The following GABBR2 variants were observed in gnomAD, a reference collection of about 807,000 sequenced individuals.
The protein encoded by GABBR2 is G-protein coupled receptor 51.
Under a neutral mutation model 105.6 loss-of-function variants are expected in GABBR2, and 23 were observed. The observed-to-expected ratio is 0.22, with a 90% CI of 0.16 to 0.31. GABBR2 has a LOEUF of 0.31. GABBR2 is among the 10% of genes least tolerant of loss of function. GABBR2 has a pLI of 1.00. For missense variants in GABBR2, 734 were observed against 1,245.5 expected, an observed-to-expected ratio of 0.59 and a Z score of 6.18; for synonymous variants, 478 against 499.7, an observed-to-expected ratio of 0.96 and a Z score of 0.58.
At chr9:98,315,622 T>C (rs1315972378) in intron 13 of GABBR2, among the ~76,000 whole-genome samples, 2 of 152,240 alleles carry the variant, frequency 1.3e-5, no homozygotes, top group African/African-American at 4.8e-5. Flanking sequence ...GAGATGCACC[T>C]GAGCATGCAA....
intron 13 of GABBR2, among the ~76,000 whole-genome samples, chr9:98,340,415 T>A (rs979772323): frequency 6.6e-6 from 1 of 151,496 alleles, no homozygotes; most frequent in Non-Finnish European, 1.5e-5. Context: ...ATTCTGTGTG[T>A]GTGTTTCTCT....
chr9:98,454,127 C>G lies in GABBR2; in HGVS notation c.1090G>C (p.Val364Leu), dbSNP rs1176092519. The G allele has an allele frequency of 6.2e-7, 1 of 1,614,002 alleles. No individual in the cohort carries two copies. The highest frequency in any genetic ancestry group is 1.7e-5 in the Admixed American group (1 of 60,004). ...FHGYAYDGIW[V>L]IAKTLQRAME... ...GCCCTCTGCAGTGTCTTGGCGATGA[C>G]CCAGATGCCATCGTAGGCGTACCCG... The change falls in exon 7 of 19, where the codon GTC (valine) becomes CTC (leucine). Residue 364 changes from valine to leucine, a missense_variant. By Grantham distance (32) the Val-to-Leu change is conservative (BLOSUM62 1). Transcript: ENST00000259455. This position sits in a 1 kb window ranked among gnomAD's most constrained non-coding sequence, Gnocchi z 4.6.
intron 7 of GABBR2, among the ~76,000 whole-genome samples, chr9:98,430,282 C>A (rs1392934965): frequency 9.2e-5 from 12 of 130,462 alleles, no homozygotes; most frequent in Non-Finnish European, 2.0e-4. Flanking sequence ...GAGCGAGACT[C>A]CGTCTCAAAA....
intron 1 of GABBR2, among the ~76,000 whole-genome samples, chr9:98,669,375 G>A (rs1362908987): frequency 6.6e-6 from 1 of 152,178 alleles, no homozygotes; most frequent in Admixed American, 6.5e-5. Context: ...AAATGTCTAT[G>A]TAAGTCCTTT....
At chr9:98,336,783 C>T (rs1035989889) in intron 13 of GABBR2, among the ~76,000 whole-genome samples, 1 of 151,470 alleles carries the variant, frequency 6.6e-6, no homozygotes, top group Non-Finnish European at 1.5e-5. Context: ...TTAAACACTC[C>T]AATTGAAATG....
intron 2 of GABBR2, among the ~76,000 whole-genome samples, chr9:98,560,069 C>T (rs781697911): frequency 7.3e-5 from 11 of 151,594 alleles, no homozygotes; most frequent in African/African-American, 1.2e-4. Context: ...TAACAATGGT[C>T]ACATTATATA....
At chr9:98,551,843 T>C (rs917857162) in intron 2 of GABBR2, among the ~76,000 whole-genome samples, 23 of 152,172 alleles carry the variant, frequency 1.5e-4, no homozygotes, top group Admixed American at 4.6e-4. Flanking sequence ...ATTTCCCCCC[T>C]TTTAGATGTC....
intron 3 of GABBR2, among the ~76,000 whole-genome samples, chr9:98,507,022 C>G (rs1402539549): frequency 1.3e-5 from 2 of 152,142 alleles, no homozygotes; most frequent in Non-Finnish European, 2.9e-5. Context: ...AGAAACGCAC[C>G]CTCGGCCCAA....
At chr9:98,522,213 T>G (rs185066498) in intron 3 of GABBR2, among the ~76,000 whole-genome samples, 39 of 152,082 alleles carry the variant, frequency 2.6e-4, no homozygotes, top group African/African-American at 8.9e-4. Context: ...GGAAAAGGAC[T>G]AAGATTAAAA....
Position 98,293,993 on chromosome 9 carries a change from A to G in GABBR2, c.2543-91T>C, listed in dbSNP as rs891254689. 4 of 802,726 alleles carry G rather than the reference A, an allele frequency of 5.0e-6. No homozygotes were observed. The African/African-American group carries it at 5.1e-5, about 10-fold the overall frequency. The allele number at this position is 802,726 out of a possible 1,614,324, so 49.7% of individuals were successfully genotyped here. ...ACTTTTTGTAGGATGATGCCCCAAG[A>G]GACAGAATGCAAAAGAGCCCATTAT... is the stretch of plus-strand genomic sequence containing the variant. On this transcript the variant is annotated intron_variant, in intron 17 of 18. Coordinates refer to ENST00000259455, the MANE Select transcript of GABBR2 (RefSeq NM_005458.8).
intron 11 of GABBR2, among the ~76,000 whole-genome samples, chr9:98,381,308 T>C (rs186709443): frequency 6.6e-6 from 1 of 152,308 alleles, no homozygotes; most frequent in East Asian, 1.9e-4. Flanking sequence ...GAATGCAGGC[T>C]GTTGTTGGAA....
At chr9:98,617,740 CA>C (rs767867398) in intron 1 of GABBR2, among the ~76,000 whole-genome samples, 16 of 151,710 alleles carry the variant, frequency 1.1e-4, no homozygotes, top group East Asian at 7.8e-4. Context: ...TGTTGGCACA[CA>C]AAAAAAAGCT....
At chr9:98,290,878 C>T in intron 18 of GABBR2, 129 bp from the exon 19 acceptor site, 1 of 512,086 alleles carries the variant, frequency 2.0e-6, no homozygotes, top group Non-Finnish European at 3.3e-6. Flanking sequence ...AAGATCTGTC[C>T]ATCCAATCAT....
intron 9 of GABBR2, among the ~76,000 whole-genome samples, chr9:98,393,919 A>G (rs1832240287): frequency 6.6e-6 from 1 of 152,236 alleles, no homozygotes; most frequent in Non-Finnish European, 1.5e-5. Flanking sequence ...CTACATTTAA[A>G]AAGAATTACT....
intron 1 of GABBR2, among the ~76,000 whole-genome samples, chr9:98,580,267 C>T (rs1828982941): frequency 6.6e-6 from 1 of 152,128 alleles, no homozygotes; most frequent in Non-Finnish European, 1.5e-5. Context: ...ATCAGGTCAC[C>T]CTCCCCAAAA....
intron 13 of GABBR2, among the ~76,000 whole-genome samples, chr9:98,356,981 C>T (rs935828057): frequency 6.6e-6 from 1 of 152,198 alleles, no homozygotes; most frequent in East Asian, 1.9e-4. Flanking sequence ...GTGATTCTAA[C>T]TATATGACAT....
At chr9:98,482,457 G>A (rs911198620) in intron 4 of GABBR2, among the ~76,000 whole-genome samples, 2 of 152,142 alleles carry the variant, frequency 1.3e-5, no homozygotes, top group Non-Finnish European at 2.9e-5. Flanking sequence ...AGCTGCTTCC[G>A]TTCTGTGGAC....
chr9:98,420,195 C>A (rs538487375), intron 7 of GABBR2, among the ~76,000 whole-genome samples: 2 of 152,078 alleles, frequency 1.3e-5, no homozygotes, highest in African/African-American at 4.8e-5. Flanking sequence ...TACCCTAGCT[C>A]CCCCCACCTG....
At chr9:98,637,922 T>C (rs1300646023) in intron 1 of GABBR2, among the ~76,000 whole-genome samples, 1 of 152,220 alleles carries the variant, frequency 6.6e-6, no homozygotes, top group African/African-American at 2.4e-5. Context: ...CCAGATGATA[T>C]AGTAACATAC....
Sources: allele counts gnomAD v4.1 joint callset (sites outside exome capture counted in the v4.1 genomes callset), GRCh38; gene constraint gnomAD v4.1.1; non-coding constraint Gnocchi (gnomAD v3.1); transcripts MANE v1.5; gene names NCBI Gene and HGNC (gene_info 2026-07-23, HGNC 2026-07-21).